The following ICE2 variants were observed in gnomAD, a reference collection of about 807,000 sequenced individuals.
ICE2 encodes the protein interactor of little elongation complex ELL subunit 2, also known as little elongation complex subunit 2.
ICE2 carries 87 observed loss-of-function variants against 105.4 expected under a neutral mutation model. The observed-to-expected ratio is 0.83, with a 90% CI of 0.69 to 0.99. The LOEUF is 0.99. Among genes scored for constraint, ICE2 ranks in the 50% least tolerant of loss-of-function variants. ICE2 has a pLI of 0.00. For missense variants in ICE2, 1,323 were observed against 1,146.7 expected (o/e 1.15, Z -2.22); for synonymous variants, 399 against 392.0 (o/e 1.02, Z -0.21).
intron 15 of ICE2, among the ~76,000 whole-genome samples, chr15:60,427,297 T>C (rs1028636017): frequency 6.6e-6 from 1 of 152,214 alleles, no homozygotes; most frequent in African/African-American, 2.4e-5. Context: ...GGGGCAACCA[T>C]AATGAGAAGA....
intron 12 of ICE2, chr15:60,439,888 C>G (rs1170404447): frequency 6.6e-6 from 1 of 152,248 alleles, no homozygotes; most frequent in Non-Finnish European, 1.5e-5. Flanking sequence ...ACTGGAACAA[C>G]AGCAGTGCCA....
rs2064860489 is a variant in ICE2, at chr15:60,479,075, G to A, written c.-165C>T. On this transcript the variant is annotated 5_prime_UTR_variant, in exon 1 of 16. An upstream open reading frame in the 5' UTR gains an earlier in-frame stop. Transcript: ENST00000261520. ...CACGCTCCACCCCACTCCTCACATT[G>A]TCGCGCGCGCCCAAAAAAGACCATA... The A allele has an allele frequency of 2.2e-6, 1 of 450,864 alleles. No homozygotes were observed. The highest frequency in any genetic ancestry group is 1.6e-5 in the South Asian group (1 of 64,316). 27.9% of individuals were successfully genotyped at this position (450,864 alleles called of 1,614,324 possible).
Position 60,452,606 on chromosome 15 carries a change from T to C in ICE2, c.1125+997A>G, listed in dbSNP as rs541048050. On this transcript the variant is annotated intron_variant, in intron 9 of 15. Transcript: ENST00000261520. ...ATAGTATCTGCTTAATAAAAACTTA[T>C]GGAATGAATGAATCAAGTTCTCTAT... 38 of 156,162 alleles carry C rather than the reference T, an allele frequency of 2.4e-4. No homozygotes were observed. The East Asian group carries it at 6.9e-3, about 28-fold the overall frequency. 9.7% of individuals were successfully genotyped at this position (156,162 alleles called of 1,614,324 possible).
chr15:60,439,117 T>C lies in ICE2; in HGVS notation c.2426-2890A>G, dbSNP rs181641803. 33 of 152,336 alleles carry C rather than the reference T, an allele frequency of 2.2e-4. No homozygotes were observed. In the East Asian group the frequency reaches 6.2e-3, roughly 28 times the overall value. 9.4% of individuals were successfully genotyped at this position (152,336 alleles called of 1,614,324 possible). A position where few individuals can be genotyped will look rare whatever the true frequency, so the allele number is the denominator to read the frequency against. On this transcript the variant is annotated intron_variant, in intron 12 of 15. Coordinates refer to ENST00000261520, the MANE Select transcript of ICE2 (RefSeq NM_024611.6). ...AGTGTGAGGACCATAAAAATGCCTA[T>C]ACAGGCTGAAACCCTACAATTGTAA...
At position 60,477,987 on chromosome 15, in the gene ICE2, T is replaced by G. The variant is rs1367872504; in HGVS notation, c.-10A>C. 6.2e-7 allele frequency: 1 copy of G among 1,613,946 alleles called. No homozygotes were observed. Among genetic ancestry groups the G allele is most frequent in the Non-Finnish European group, 8.5e-7 (1 of 1,179,840 alleles). ...CCATCTTGGAGCTCATCTTCCTAGA[T>G]TTCTGCTTCACTCTAGCTCACAGTT... On this transcript the variant is annotated 5_prime_UTR_variant, in exon 2 of 16. Transcript: ENST00000261520.
chr15:60,477,963 C>A lies in ICE2; in HGVS notation c.15G>T (p.Met5Ile). ...AATTCAGTCCTGGTTCACTTATGAC[C>A]ATCTTGGAGCTCATCTTCCTAGATT... MSSK[M>I]VISEPGLNWD... Residue 5 changes from methionine to isoleucine, a missense_variant, in exon 2 of 16, where the codon ATG becomes ATT. Coordinates refer to ENST00000261520, the MANE Select transcript of ICE2 (RefSeq NM_024611.6). 1 of 1,614,106 alleles carries A rather than the reference C, an allele frequency of 6.2e-7. No homozygotes were observed. Among genetic ancestry groups the A allele is most frequent in the Non-Finnish European group, 8.5e-7 (1 of 1,179,964 alleles).
intron 2 of ICE2, among the ~76,000 whole-genome samples, chr15:60,477,044 T>C (rs761598665): frequency 3.3e-5 from 5 of 152,214 alleles, no homozygotes; most frequent in Non-Finnish European, 5.9e-5. Context: ...AGTGCCCAGA[T>C]AGGAAATTCT....
Position 60,422,190 on chromosome 15 carries a change from T to C in ICE2, c.*1444A>G, listed in dbSNP as rs550513912. On this transcript the variant is annotated 3_prime_UTR_variant, in exon 16 of 16. Coordinates refer to ENST00000261520, the MANE Select transcript of ICE2 (RefSeq NM_024611.6). Reference sequence around the variant, plus strand: ...ACTCTGATACTCAAGCTGAGTTCTGTGGTGCGATCACAACTCACTGTAGCC... The same window carrying C: ...ACTCTGATACTCAAGCTGAGTTCTGCGGTGCGATCACAACTCACTGTAGCC... 6.6e-6 allele frequency: 1 copy of C among 151,898 alleles called. No homozygotes were observed. Among genetic ancestry groups the C allele is most frequent in the South Asian group, 2.1e-4 (1 of 4,764 alleles). The allele number at this position is 151,898 out of a possible 1,614,324, so 9.4% of individuals were successfully genotyped here.
intron 11 of ICE2, among the ~76,000 whole-genome samples, chr15:60,445,226 T>G (rs2063797836): frequency 6.6e-6 from 1 of 152,212 alleles, no homozygotes; most frequent in Admixed American, 6.5e-5. Context: ...GGTTTTTAGG[T>G]AGGAAATACT....
intron 9 of ICE2, chr15:60,453,140 G>A (rs893297580): frequency 7.2e-6 from 5 of 691,524 alleles, no homozygotes; most frequent in African/African-American, 1.9e-5. Context: ...TCTGAGGCAG[G>A]AGCATCACTT....
intron 14 of ICE2, among the ~76,000 whole-genome samples, chr15:60,429,315 T>G (rs1388093168): frequency 2.0e-5 from 3 of 152,200 alleles, no homozygotes; most frequent in Non-Finnish European, 4.4e-5. Flanking sequence ...GCATATTAAT[T>G]TAGGGTGATA....
chr15:60,445,930 T>C (rs1039489353), intron 11 of ICE2: 4 of 231,766 alleles, frequency 1.7e-5, no homozygotes, highest in African/African-American at 9.3e-5. Flanking sequence ...ACTGATACTA[T>C]ATGTATTCAT....
chr15:60,426,210 A>G (rs1430605816), intron 15 of ICE2, among the ~76,000 whole-genome samples: 4 of 152,242 alleles, frequency 2.6e-5, no homozygotes, highest in Admixed American at 1.3e-4. Context: ...GTGGTCCCAA[A>G]AGATTATAAT....
chr15:60,436,506 T>C (rs1204453723), intron 12 of ICE2, among the ~76,000 whole-genome samples: 2 of 151,886 alleles, frequency 1.3e-5, no homozygotes, highest in African/African-American at 2.4e-5. Context: ...AAGCCTACAA[T>C]TTATGAACAA....
At chr15:60,431,858 A>T in intron 14 of ICE2, 76 bp downstream of exon 14, 1 of 799,704 alleles carries the variant, frequency 1.3e-6, no homozygotes, top group Non-Finnish European at 2.1e-6. Flanking sequence ...TCCTAACAGT[A>T]CATTTTCAAA....
chr15:60,438,838 T>G (rs185650057), intron 12 of ICE2: 25 of 152,362 alleles, frequency 1.6e-4, no homozygotes, highest in African/African-American at 5.1e-4. Context: ...TCAGCAATGC[T>G]TGGGATGGCA....
chr15:60,470,665 T>G (rs1386433124), intron 3 of ICE2, among the ~76,000 whole-genome samples: 1 of 152,198 alleles, frequency 6.6e-6, no homozygotes, highest in Non-Finnish European at 1.5e-5. Flanking sequence ...TATTTTATGG[T>G]ATGCTTTATT....
chr15:60,478,959 C>T lies in ICE2; in HGVS notation c.-93+44G>A, dbSNP rs561287150. 3.9e-3 allele frequency: 1,775 copies of T among 455,770 alleles called. 9 individuals carry two copies. The highest frequency in any genetic ancestry group is 5.7e-3 in the Non-Finnish European group (1,293 of 226,654). The allele number at this position is 455,770 out of a possible 1,614,324, so 28.2% of individuals were successfully genotyped here. ...GAGCACGCCCGCTGGCCCGGCAGCG[C>T]CCTCCCGTCCGCGTCTGGGCTGCAA... is the stretch of plus-strand genomic sequence containing the variant. On this transcript the variant is annotated intron_variant, in intron 1 of 15. Transcript: ENST00000261520.
In ICE2 at chr15:60,434,520, TACACACACAC is replaced by T. The variant is rs71122858; in HGVS notation, c.2510+1613_2510+1622del. Among the ~76,000 whole-genome samples the T allele has an allele frequency of 6.8e-3, 984 of 144,924 alleles. 15 individuals are homozygous for T. Among genetic ancestry groups the T allele is most frequent in the African/African-American group, 0.023 (878 of 37,658 alleles). ...AATGGATGAATGAATAAAATGTGAT[TACACACACAC>T]ACACACACACACACACACACACACA... On this transcript the variant is annotated intron_variant, in intron 13 of 15. Transcript: ENST00000261520.
Sources: gnomAD v4.1 joint callset for allele counts (sites outside exome capture counted in the v4.1 genomes callset) on GRCh38, gnomAD v4.1.1 for gene constraint, MANE v1.5 for transcripts, NCBI Gene and HGNC (gene_info 2026-07-23, HGNC 2026-07-21) for gene names.